Variants in STK3 observed in about 807,000 individuals in gnomAD.
STK3 encodes serine/threonine kinase 3.
In STK3, 41 loss-of-function variants were observed where a neutral mutation model predicts 58.0. That is an observed-to-expected ratio of 0.71 (90% CI 0.55 to 0.92). The LOEUF is 0.92. STK3 is among the 40% of genes least tolerant of loss of function. The pLI, the probability that STK3 is intolerant of heterozygous loss-of-function variation, is 0.00. For missense variants in STK3, 479 were observed against 602.7 expected, an observed-to-expected ratio of 0.79 and a Z score of 2.15; for synonymous variants, 170 against 191.0, an observed-to-expected ratio of 0.89 and a Z score of 0.91.
chr8:98,914,124 T>A (rs141793683), intron 1 of STK3, among the ~76,000 whole-genome samples: 2 of 151,396 alleles, frequency 1.3e-5, no homozygotes, highest in African/African-American at 2.4e-5. Flanking sequence ...GCACTTGTAC[T>A]CCCTAAATCT....
downstream of STK3, chr8:98,878,908 T>C (rs1837683101): frequency 6.8e-6 from 1 of 148,014 alleles, no homozygotes. Context: ...TTTTTTTTTT[T>C]TTTTTTTTGA....
intron 1 of STK3, among the ~76,000 whole-genome samples, chr8:98,811,878 A>G (rs940899634): frequency 6.6e-6 from 1 of 152,226 alleles, no homozygotes; most frequent in African/African-American, 2.4e-5. Flanking sequence ...GCTGGAGTGC[A>G]GTGGCACTGC....
chr8:98,928,909 A>T (rs1241164238), intron 1 of STK3, among the ~76,000 whole-genome samples: 1 of 152,250 alleles, frequency 6.6e-6, no homozygotes, highest in Non-Finnish European at 1.5e-5. Context: ...GAGAAGCTCC[A>T]ATCAATATTC....
At chr8:98,580,063 G>A (rs1813741413) in intron 7 of STK3, among the ~76,000 whole-genome samples, 1 of 151,962 alleles carries the variant, frequency 6.6e-6, no homozygotes, top group Admixed American at 6.6e-5. Flanking sequence ...AGATCTAATT[G>A]TCCAAAGGAA....
chr8:98,734,359 G>C (rs1828419210), intron 4 of STK3, among the ~76,000 whole-genome samples: 1 of 152,172 alleles, frequency 6.6e-6, no homozygotes, highest in Non-Finnish European at 1.5e-5. Context: ...CACAAGACTA[G>C]TCTGTAGAAG....
chr8:98,350,813 G>T, the STK3 span, among the ~76,000 whole-genome samples: 4 of 152,170 alleles, frequency 2.6e-5, no homozygotes, highest in African/African-American at 9.7e-5. Flanking sequence ...CTCCCACTGG[G>T]TCCCTCCCAC....
intron 1 of STK3, among the ~76,000 whole-genome samples, chr8:98,916,968 T>A: frequency 6.6e-6 from 1 of 152,208 alleles, no homozygotes; most frequent in Non-Finnish European, 1.5e-5. Context: ...TGAACAGATG[T>A]GGAGGAGGAG....
At chr8:98,742,911 T>C (rs1829334165) in intron 4 of STK3, among the ~76,000 whole-genome samples, 1 of 151,842 alleles carries the variant, frequency 6.6e-6, no homozygotes, top group South Asian at 2.1e-4. Context: ...TGTACAAAAA[T>C]CACAAGCATT....
At chr8:98,898,150 T>C (rs953738968) in intron 1 of STK3, among the ~76,000 whole-genome samples, 1 of 152,264 alleles carries the variant, frequency 6.6e-6, no homozygotes, top group Admixed American at 6.5e-5. Context: ...TCATCCTCCA[T>C]GTCCCTAGCT....
chr8:98,597,949 TA>T, intron 6 of STK3: 1 of 985,296 alleles, frequency 1.0e-6, no homozygotes, highest in Non-Finnish European at 1.2e-6. Flanking sequence ...AATAAGGCTT[TA>T]AAAAATGAGT....
chr8:98,628,806 C>T (rs1284562840), intron 6 of STK3, among the ~76,000 whole-genome samples: 2 of 123,456 alleles, frequency 1.6e-5, no homozygotes, highest in Admixed American at 8.3e-5. Context: ...TGTCTCCACT[C>T]CCCTCCACAC....
intron 10 of STK3, among the ~76,000 whole-genome samples, chr8:98,497,270 A>C (rs555195042): frequency 2.4e-4 from 36 of 152,304 alleles, no homozygotes; most frequent in Admixed American, 2.2e-3. Flanking sequence ...AGTTACTTCT[A>C]TCTAACACCA....
intron 1 of STK3, among the ~76,000 whole-genome samples, chr8:98,885,210 A>G (rs941544489): frequency 3.9e-5 from 6 of 152,240 alleles, no homozygotes; most frequent in African/African-American, 1.4e-4. Flanking sequence ...TAACTGAACC[A>G]AGACCAGGCC....
At position 98,914,461 on chromosome 8, in the gene STK3, TACAC is replaced by T. The variant is rs34753292; in HGVS notation, c.-79+27913_-79+27916del. The stretch of plus-strand genomic sequence containing the variant: ...CTACACTTGTGTGCAAGCACATGCC[TACAC>T]ACACACACACACACACACACACACA... On this transcript the variant is annotated intron_variant, in intron 1 of 1. Coordinates refer to the STK3 transcript ENST00000519420. 9.2e-3 allele frequency among the ~76,000 whole-genome samples: 1,318 copies of T among 143,584 alleles called. 21 individuals carry two copies. Among genetic ancestry groups the T allele is most frequent in the African/African-American group, 0.031 (1,226 of 39,484 alleles). 94.2% of individuals were successfully genotyped at this position (143,584 alleles called of 152,430 possible). A position where few individuals can be genotyped will look rare whatever the true frequency, so the allele number is the denominator to read the frequency against.
intron 3 of STK3, among the ~76,000 whole-genome samples, chr8:98,756,686 T>G (rs1244893696): frequency 1.3e-5 from 2 of 152,244 alleles, no homozygotes; most frequent in African/African-American, 2.4e-5. Flanking sequence ...TTCTTGATGC[T>G]TTGGTATCTG....
chr8:98,867,023 C>T (rs893476081), intron 3 of STK3, among the ~76,000 whole-genome samples: 11 of 152,012 alleles, frequency 7.2e-5, no homozygotes, highest in African/African-American at 2.7e-4. Context: ...TGCCTTGATC[C>T]TGAAAGGGTG....
At chr8:98,381,917 A>AGATTTT (rs1283597934) in intron 1 of STK3, among the ~76,000 whole-genome samples, 2 of 152,224 alleles carry the variant, frequency 1.3e-5, no homozygotes, top group African/African-American at 4.8e-5. Flanking sequence ...TGTACATCAT[A>AGATTTT]GATTTTTCCA....
chr8:98,509,034 A>G (rs1824301458), intron 10 of STK3, among the ~76,000 whole-genome samples: 1 of 152,144 alleles, frequency 6.6e-6, no homozygotes, highest in Admixed American at 6.5e-5. Context: ...CCAATCAGGT[A>G]CTAACTAGTC....
intron 8 of STK3, among the ~76,000 whole-genome samples, chr8:98,573,231 T>C (rs1035420485): frequency 1.3e-5 from 2 of 152,212 alleles, no homozygotes; most frequent in Non-Finnish European, 2.9e-5. Context: ...TTAGAAACTG[T>C]TGTATTAGTC....
Sources: gnomAD v4.1 joint callset for allele counts (sites outside exome capture counted in the v4.1 genomes callset) on GRCh38, gnomAD v4.1.1 for gene constraint, MANE v1.5 for transcripts, NCBI Gene and HGNC (gene_info 2026-07-23, HGNC 2026-07-21) for gene names.